LRP2: variants seen among roughly 807,000 people sequenced by gnomAD.
LRP2 encodes the protein low-density lipoprotein receptor-related protein 2.
LRP2 carries 172 observed loss-of-function variants against 531.0 expected under a neutral mutation model. The ratio of observed to expected loss-of-function variants is 0.32; its 90% CI spans 0.29 to 0.37. The LOEUF (loss-of-function observed/expected upper bound fraction) is 0.37. Ranked by LOEUF, LRP2 falls within the 10% of genes least tolerant of loss-of-function variation. The pLI is 1.00. For missense variants in LRP2, 5,167 were observed against 5,868.3 expected (o/e 0.88, Z 3.90); for synonymous variants, 1,992 against 2,027.6 (o/e 0.98, Z 0.47).
intron 1 of LRP2, 140 bp downstream of exon 1, chr2:169,362,181 G>T: frequency 1.5e-6 from 1 of 648,228 alleles, no homozygotes; most frequent in Non-Finnish European, 2.5e-6. Context: ...CAACCTGAGC[G>T]CCCCACCGGG....
rs866301857 is a variant in LRP2, at chr2:169,177,863, C to T, written c.10333G>A (p.Val3445Met). The T allele has an allele frequency of 6.2e-7, 1 of 1,614,232 alleles. No individual in the cohort carries two copies. Among genetic ancestry groups the T allele is most frequent in the Non-Finnish European group, 8.5e-7 (1 of 1,180,044 alleles). Residue 3445 changes from valine (V) to methionine (M), a missense_variant, in exon 53 of 79, where the codon GTG (valine) becomes ATG (methionine). Physicochemically the swap from Val to Met is conservative, Grantham distance 21 (BLOSUM62 1). This residue lies in a region of LRP2 where 1,129 missense variants were observed against 1,362.7 expected (regional missense o/e 0.83). Coordinates refer to ENST00000649046, the MANE Select transcript of LRP2 (RefSeq NM_004525.3). ...KYDGSNRQTLVNTTHRPFDIH... is the reference protein window; with the variant it reads ...KYDGSNRQTLMNTTHRPFDIH... ...TCAAATGGTCTGTGTGTTGTGTTCACCAGTGTCTGTCTATTTGATCCATCA... is the reference window on the plus strand; with the variant it reads ...TCAAATGGTCTGTGTGTTGTGTTCATCAGTGTCTGTCTATTTGATCCATCA...
At chr2:169,210,529 G>T (rs995392708) in intron 37 of LRP2, among the ~76,000 whole-genome samples, 3 of 152,306 alleles carry the variant, frequency 2.0e-5, no homozygotes, top group Non-Finnish European at 4.4e-5. Flanking sequence ...CATGAGAACT[G>T]CAGGGTAAAA....
At chr2:169,333,149 G>T (rs1409559101) in intron 1 of LRP2, among the ~76,000 whole-genome samples, 1 of 152,022 alleles carries the variant, frequency 6.6e-6, no homozygotes, top group African/African-American at 2.4e-5. Context: ...AATGTAATAT[G>T]TCATTCTCTT....
At chr2:169,236,621 T>G (rs1689615887) in intron 28 of LRP2, among the ~76,000 whole-genome samples, 2 of 152,178 alleles carry the variant, frequency 1.3e-5, no homozygotes, top group Admixed American at 1.3e-4. Flanking sequence ...TCCAAACACA[T>G]GGGAGAATTT....
At chr2:169,144,074 G>A (rs1685821608) in intron 70 of LRP2, among the ~76,000 whole-genome samples, 1 of 152,186 alleles carries the variant, frequency 6.6e-6, no homozygotes, top group African/African-American at 2.4e-5. Flanking sequence ...GTGGGCCTGA[G>A]AGACTGCATT....
chr2:169,135,176 T>C (rs1032435636), intron 76 of LRP2, among the ~76,000 whole-genome samples: 3 of 152,112 alleles, frequency 2.0e-5, no homozygotes, highest in Non-Finnish European at 2.9e-5. Flanking sequence ...TCCTTTCCAT[T>C]GTGGAAATCT....
chr2:169,205,391 T>C, intron 41 of LRP2, 88 bp downstream of exon 41: 3 of 1,437,210 alleles, frequency 2.1e-6, no homozygotes, highest in African/African-American at 2.8e-5. Context: ...GCATGCTATA[T>C]TTTCATCACA....
chr2:169,266,883 CTT>C (rs56044761), intron 16 of LRP2, among the ~76,000 whole-genome samples: 82,062 of 96,274 alleles, frequency 0.85, 35,176 homozygotes, highest in East Asian at 0.97. Flanking sequence ...CGTTTGTAAC[CTT>C]TTTTTTTTTT....
Position 169,270,917 on chromosome 2 carries a change from C to A in LRP2, c.2307G>T (p.Lys769Asn). ...AACCTTTCTCACCTGTGCCATCAAT[C>A]TTTTGCTTAAAAATCATGTGTTTTG... Reference protein sequence around the residue: ...DMSKHMIFKQKIDGTGREILA... With the variant: ...DMSKHMIFKQNIDGTGREILA... The change falls in exon 16 of 79, where the codon AAG becomes AAT. Residue 769 changes from lysine (K) to asparagine (N), a missense_variant. This residue lies in a region of LRP2 where 2,811 missense variants were observed against 3,058.0 expected (regional missense o/e 0.92). Transcript: ENST00000649046. The A allele has an allele frequency of 6.2e-7, 1 of 1,612,758 alleles. No homozygotes were observed. Among genetic ancestry groups the A allele is most frequent in the Non-Finnish European group, 8.5e-7 (1 of 1,179,446 alleles).
At chr2:169,199,267 A>G (rs1256051786) in intron 44 of LRP2, among the ~76,000 whole-genome samples, 2 of 152,254 alleles carry the variant, frequency 1.3e-5, no homozygotes, top group Non-Finnish European at 2.9e-5. Flanking sequence ...GAAGATTTCT[A>G]TATACTGATA....
chr2:169,295,077 A>G (rs1041612798), intron 4 of LRP2, among the ~76,000 whole-genome samples: 1 of 152,240 alleles, frequency 6.6e-6, no homozygotes, highest in Non-Finnish European at 1.5e-5. Flanking sequence ...TCAAAATCAA[A>G]CATTCTTTTA....
At chr2:169,139,750 T>C (rs1685652662) in intron 72 of LRP2, 140 bp from the exon 73 acceptor site, 1 of 776,124 alleles carries the variant, frequency 1.3e-6, no homozygotes, top group African/African-American at 1.7e-5. Context: ...GCATGACTTT[T>C]GTTCATTCTG....
intron 48 of LRP2, among the ~76,000 whole-genome samples, chr2:169,190,918 T>C (rs1170028805): frequency 6.6e-6 from 1 of 152,186 alleles, no homozygotes; most frequent in Non-Finnish European, 1.5e-5. Flanking sequence ...TTAAGTGGGA[T>C]GATGAGAAGT....
chr2:169,213,444 C>T (rs1047680230), intron 36 of LRP2, among the ~76,000 whole-genome samples: 1 of 152,226 alleles, frequency 6.6e-6, no homozygotes, highest in African/African-American at 2.4e-5. Flanking sequence ...TAAACTTACT[C>T]TGAAGTCAAT....
intron 66 of LRP2, 81 bp from the exon 67 acceptor site, chr2:169,153,045 C>T: frequency 1.5e-6 from 2 of 1,314,150 alleles, no homozygotes; most frequent in Non-Finnish European, 2.2e-6. Context: ...AGGTGAAGTA[C>T]TGTTCGTTTA....
At chr2:169,349,079 T>A (rs1029053686) in intron 1 of LRP2, among the ~76,000 whole-genome samples, 16 of 152,040 alleles carry the variant, frequency 1.1e-4, no homozygotes, top group African/African-American at 3.9e-4. Flanking sequence ...GGGAAAGCAA[T>A]GGATAAAAGA....
chr2:169,258,913 T>C (rs1448364469), intron 17 of LRP2, 112 bp downstream of exon 17: 3 of 957,148 alleles, frequency 3.1e-6, no homozygotes, highest in Admixed American at 1.8e-5. Flanking sequence ...TTTCAACTTA[T>C]ACAGTTCAAT....
chr2:169,208,475 G>A (rs1243633001), intron 38 of LRP2, among the ~76,000 whole-genome samples: 2 of 149,760 alleles, frequency 1.3e-5, no homozygotes, highest in South Asian at 2.1e-4. Context: ...TTTTTAATTC[G>A]AGACAGAGTC....
At chr2:169,200,155 G>A (rs906040323) in intron 44 of LRP2, among the ~76,000 whole-genome samples, 5 of 152,174 alleles carry the variant, frequency 3.3e-5, no homozygotes, top group African/African-American at 1.2e-4. Context: ...GGAGGCTGAG[G>A]CAGGAGAATG....
Sources: allele counts gnomAD v4.1 joint callset (sites outside exome capture counted in the v4.1 genomes callset), GRCh38; gene constraint gnomAD v4.1.1; regional missense constraint gnomAD v4.1.1; transcripts MANE v1.5; gene names NCBI Gene and HGNC (gene_info 2026-07-23, HGNC 2026-07-21).